Variants in NOX3 observed in about 807,000 individuals in gnomAD.
The protein encoded by NOX3 is NADPH oxidase catalytic subunit-like 3.
Under a neutral mutation model 76.7 loss-of-function variants are expected in NOX3, and 74 were observed. The ratio of observed to expected loss-of-function variants is 0.96; its 90% CI spans 0.80 to 1.17. NOX3 has a LOEUF of 1.17. Ranked by LOEUF, NOX3 falls within the 50% of genes most tolerant of loss-of-function variation. The probability of loss-of-function intolerance (pLI) is 0.00; values close to 1 mark genes in which losing one functional copy is unlikely to be tolerated. For missense variants in NOX3, 695 were observed against 703.3 expected, an observed-to-expected ratio of 0.99 and a Z score of 0.13; for synonymous variants, 263 against 261.1, an observed-to-expected ratio of 1.01 and a Z score of -0.07.
Position 155,428,361 on chromosome 6 carries a change from G to A in NOX3, c.1145+433C>T, listed in dbSNP as rs559039692. On this transcript the variant is annotated intron_variant, in intron 9 of 13. Transcript: ENST00000159060. ...TGGTATGGGCCCTTATATCCAATAT[G>A]ACTTGGGTCTTTATAAGAAGAGGAC... Among the ~76,000 whole-genome samples the A allele has an allele frequency of 2.6e-5, 4 of 152,248 alleles. No individual in the cohort carries two copies. In the South Asian group the frequency reaches 6.2e-4, roughly 24 times the overall value.
intron 11 of NOX3, among the ~76,000 whole-genome samples, chr6:155,408,463 C>A (rs917747327): frequency 2.0e-5 from 3 of 152,162 alleles, no homozygotes; most frequent in Non-Finnish European, 4.4e-5. Context: ...GGCTAACAAC[C>A]TTGCTGGGTG....
intron 11 of NOX3, among the ~76,000 whole-genome samples, chr6:155,409,349 G>A (rs1023395374): frequency 1.6e-4 from 25 of 152,132 alleles, no homozygotes; most frequent in Non-Finnish European, 3.2e-4. Flanking sequence ...AGAGGAAACC[G>A]ATGGGGGTGG....
rs1383434522 is a variant in NOX3 at position 155,435,024 on chromosome 6, C to G, written c.798+1394G>C. 3.3e-5 allele frequency among the ~76,000 whole-genome samples: 5 copies of G among 152,260 alleles called. No homozygotes were observed. In the East Asian group the frequency reaches 9.6e-4, roughly 29 times the overall value. On this transcript the variant is annotated intron_variant, in intron 7 of 13. Transcript: ENST00000159060. ...GGAACCCTTCCTTGTCCTTGGGATGCCTTTCGGATTCAGTGTCTATAAGAC... is the reference window on the plus strand; with the variant it reads ...GGAACCCTTCCTTGTCCTTGGGATGGCTTTCGGATTCAGTGTCTATAAGAC...
intron 7 of NOX3, among the ~76,000 whole-genome samples, chr6:155,432,619 C>T (rs375958142): frequency 1.3e-5 from 2 of 152,244 alleles, no homozygotes; most frequent in South Asian, 2.1e-4. Context: ...TGGGTCTCTT[C>T]GCATGGTCCC....
At chr6:155,451,036 T>TG (rs1309883908) in intron 4 of NOX3, among the ~76,000 whole-genome samples, 2 of 151,830 alleles carry the variant, frequency 1.3e-5, no homozygotes, top group Non-Finnish European at 2.9e-5. Context: ...TGGAGTACAA[T>TG]GGGGCATTCT....
chr6:155,454,156 A>G (rs1162797483), intron 3 of NOX3, among the ~76,000 whole-genome samples: 1 of 152,244 alleles, frequency 6.6e-6, no homozygotes, highest in African/African-American at 2.4e-5. Flanking sequence ...TGGCGCTAGT[A>G]TACTTGCTCC....
At chr6:155,450,214 C>G (rs1777116333) in intron 4 of NOX3, among the ~76,000 whole-genome samples, 1 of 151,988 alleles carries the variant, frequency 6.6e-6, no homozygotes, top group African/African-American at 2.4e-5. Context: ...GGAAGGGGGC[C>G]GGAGAGAACA....
chr6:155,429,146 T>A (rs1776799307), intron 8 of NOX3, 99 bp from the exon 9 acceptor site: 1 of 1,240,448 alleles, frequency 8.1e-7, no homozygotes, highest in Admixed American at 2.6e-5. Flanking sequence ...ATCAGCTTGT[T>A]TCAGGTGTAA....
In NOX3 at chr6:155,439,999, C is replaced by T; in HGVS notation, c.625G>A (p.Val209Ile). 2 of 1,613,972 alleles carry T rather than the reference C, an allele frequency of 1.2e-6. No homozygotes were observed. Among genetic ancestry groups the T allele is most frequent in the South Asian group, 1.1e-5 (1 of 91,038 alleles). The change falls in exon 6 of 14, where the codon GTT (valine) becomes ATT (isoleucine). Residue 209 changes from valine (V) to isoleucine (I), a missense_variant. By Grantham distance (29) the Val-to-Ile change is conservative. Transcript: ENST00000159060. Reference protein sequence around the residue: ...SYELFWYTHHVFIVFFLSLAI... With the variant: ...SYELFWYTHHIFIVFFLSLAI... ...AGGCTGAGAAAGAAGACGATGAAAA[C>T]ATGGTGTGTGTACCAGAACAACTCA... is the stretch of plus-strand genomic sequence containing the variant.
intron 9 of NOX3, among the ~76,000 whole-genome samples, chr6:155,428,131 C>T (rs1160348273): frequency 2.0e-5 from 3 of 152,238 alleles, no homozygotes; most frequent in Non-Finnish European, 4.4e-5. Flanking sequence ...AAACTCCTGA[C>T]CTCAAGTGAT....
intron 12 of NOX3, among the ~76,000 whole-genome samples, chr6:155,397,746 G>C (rs1010111435): frequency 1.3e-5 from 2 of 152,178 alleles, no homozygotes; most frequent in South Asian, 2.1e-4. Flanking sequence ...CCTTTTTATA[G>C]ATAATAAAAT....
chr6:155,445,945 A>T (rs1269521663), intron 4 of NOX3, among the ~76,000 whole-genome samples: 1 of 139,532 alleles, frequency 7.2e-6, no homozygotes, highest in Non-Finnish European at 1.5e-5. Flanking sequence ...ATAGATATAT[A>T]ATATATATAT....
At chr6:155,414,013 C>A in intron 10 of NOX3, among the ~76,000 whole-genome samples, 1 of 152,180 alleles carries the variant, frequency 6.6e-6, no homozygotes, top group East Asian at 1.9e-4. Flanking sequence ...GGCCTAGCTG[C>A]ATGTCAGCGT....
At chr6:155,427,731 C>T (rs556437546) in intron 9 of NOX3, among the ~76,000 whole-genome samples, 110 of 152,250 alleles carry the variant, frequency 7.2e-4, no homozygotes, top group South Asian at 3.9e-3. Context: ...TTTGGTGTCC[C>T]TGTTCTTCCA....
intron 11 of NOX3, among the ~76,000 whole-genome samples, chr6:155,409,213 G>A (rs914659602): frequency 6.6e-6 from 1 of 152,144 alleles, no homozygotes; most frequent in African/African-American, 2.4e-5. Context: ...CAAAAAGAAG[G>A]TGGGGAACAG....
intron 10 of NOX3, among the ~76,000 whole-genome samples, chr6:155,418,552 C>A (rs957256613): frequency 6.6e-6 from 1 of 152,116 alleles, no homozygotes; most frequent in African/African-American, 2.4e-5. Context: ...TGGGAAATCC[C>A]CTCCTGCCCA....
At chr6:155,418,954 C>G (rs1420527859) in intron 10 of NOX3, among the ~76,000 whole-genome samples, 2 of 152,246 alleles carry the variant, frequency 1.3e-5, no homozygotes, top group Non-Finnish European at 2.9e-5. Flanking sequence ...AATTCTGGCT[C>G]TCAACGCCTA....
intron 12 of NOX3, among the ~76,000 whole-genome samples, chr6:155,399,770 C>G (rs1038751524): frequency 4.9e-4 from 74 of 151,240 alleles, no homozygotes; most frequent in Non-Finnish European, 1.8e-4. Flanking sequence ...ACAAGTGCAA[C>G]AGAACCCTAA....
chr6:155,425,956 G>A (rs1211254431), intron 9 of NOX3, among the ~76,000 whole-genome samples: 2 of 152,122 alleles, frequency 1.3e-5, no homozygotes, highest in African/African-American at 2.4e-5. Flanking sequence ...TTCCCCTCCT[G>A]GGCATCTCAC....
Sources: allele counts gnomAD v4.1 joint callset (sites outside exome capture counted in the v4.1 genomes callset), GRCh38; gene constraint gnomAD v4.1.1; transcripts MANE v1.5; gene names NCBI Gene and HGNC (gene_info 2026-07-23, HGNC 2026-07-21).